Variants in HDAC9 observed in about 807,000 individuals in gnomAD.
HDAC9 encodes the protein MEF-2 interacting transcription repressor (MITR) protein.
A neutral mutation model predicts 139.4 loss-of-function variants in HDAC9; 41 were observed. The ratio of observed to expected loss-of-function variants is 0.29; its 90% CI spans 0.23 to 0.38. HDAC9 has a LOEUF of 0.38. Among genes scored for constraint, HDAC9 ranks in the 10% least tolerant of loss-of-function variants. The pLI is 1.00. For synonymous variants in HDAC9, 517 were observed against 476.2 expected (o/e 1.09, Z -1.12); for missense variants, 1,147 against 1,297.0 (o/e 0.88, Z 1.78).
chr7:18,296,360 T>C (rs1274025283), intron 1 of HDAC9, among the ~76,000 whole-genome samples: 2 of 151,878 alleles, frequency 1.3e-5, no homozygotes, highest in African/African-American at 4.9e-5. Flanking sequence ...TGTAAAGATC[T>C]ACGTCTTTAA....
intron 13 of HDAC9, among the ~76,000 whole-genome samples, chr7:18,747,670 G>A (rs1415265495): frequency 6.6e-6 from 1 of 152,152 alleles, no homozygotes; most frequent in African/African-American, 2.4e-5. Flanking sequence ...TCCTGAGGAT[G>A]AAAATGTGAG....
intron 1 of HDAC9, among the ~76,000 whole-genome samples, chr7:18,476,912 C>T (rs553824071): frequency 4.6e-5 from 7 of 152,230 alleles, no homozygotes; most frequent in Admixed American, 6.5e-5. Flanking sequence ...TTAAGTTTGC[C>T]CCCTGGAGGT....
At chr7:18,991,218 C>T (rs929367028) in intron 25 of HDAC9, among the ~76,000 whole-genome samples, 5 of 151,822 alleles carry the variant, frequency 3.3e-5, no homozygotes, top group African/African-American at 1.2e-4. Flanking sequence ...AATGGTATAA[C>T]ATTGGAGGGG....
intron 2 of HDAC9, among the ~76,000 whole-genome samples, chr7:18,540,603 A>G (rs1209862052): frequency 6.6e-6 from 1 of 152,148 alleles, no homozygotes; most frequent in Non-Finnish European, 1.5e-5. Flanking sequence ...TTTACATGAT[A>G]TTTCAAGATA....
intron 2 of HDAC9, among the ~76,000 whole-genome samples, chr7:18,207,060 C>A (rs1214351349): frequency 6.6e-6 from 1 of 151,808 alleles, no homozygotes; most frequent in African/African-American, 2.4e-5. Flanking sequence ...CCCAGCCTCC[C>A]AAGTAGCTTG....
chr7:18,541,134 G>T (rs1812691485), intron 2 of HDAC9, among the ~76,000 whole-genome samples: 1 of 118,214 alleles, frequency 8.5e-6, no homozygotes, highest in South Asian at 2.8e-4. Flanking sequence ...AATATCCAAG[G>T]AACCGTGTTT....
At chr7:18,146,665 A>C (rs539185988) in intron 1 of HDAC9, among the ~76,000 whole-genome samples, 86 of 152,322 alleles carry the variant, frequency 5.6e-4, no homozygotes, top group African/African-American at 1.9e-3. Flanking sequence ...TTTAAGTTAC[A>C]CATTATTTTC....
chr7:18,479,266 A>G (rs1795357990), intron 1 of HDAC9, among the ~76,000 whole-genome samples: 1 of 152,054 alleles, frequency 6.6e-6, no homozygotes, highest in African/African-American at 2.4e-5. Context: ...TGTTTAATCT[A>G]CTTGGAATTG....
intron 1 of HDAC9, among the ~76,000 whole-genome samples, chr7:18,355,886 G>C (rs1023679454): frequency 3.3e-5 from 5 of 152,114 alleles, no homozygotes; most frequent in African/African-American, 4.8e-5. Flanking sequence ...AAACAAAGTA[G>C]ACTCGTGATT....
chr7:18,908,624 T>A (rs1346215789), intron 22 of HDAC9, among the ~76,000 whole-genome samples: 2 of 152,108 alleles, frequency 1.3e-5, no homozygotes, highest in African/African-American at 4.8e-5. Context: ...GGCTTCCACA[T>A]GTAAGTGAGA....
intron 2 of HDAC9, among the ~76,000 whole-genome samples, chr7:18,236,120 A>T (rs892982441): frequency 6.6e-6 from 1 of 152,138 alleles, no homozygotes; most frequent in Non-Finnish European, 1.5e-5. Context: ...AAAAAGACCA[A>T]TGAGGAGCTA....
chr7:18,148,392 A>C (rs1012487214), intron 1 of HDAC9, among the ~76,000 whole-genome samples: 3 of 152,098 alleles, frequency 2.0e-5, no homozygotes, highest in African/African-American at 7.2e-5. Context: ...TGCTGCATCG[A>C]CTATTATTCC....
chr7:18,366,173 T>C (rs1465565737), intron 1 of HDAC9, among the ~76,000 whole-genome samples: 3 of 152,036 alleles, frequency 2.0e-5, no homozygotes, highest in Admixed American at 2.0e-4. Context: ...AGAGATAAGG[T>C]GGAGGGAAAC....
At chr7:18,173,353 C>T (rs189218230) in intron 2 of HDAC9, among the ~76,000 whole-genome samples, 124 of 152,274 alleles carry the variant, frequency 8.1e-4, no homozygotes, top group Non-Finnish European at 1.3e-3. Context: ...TGTCTCTGCA[C>T]GTCAGATGGG....
rs187001583 is a variant in HDAC9, at chr7:18,580,203, A to G, written c.23-5078A>G. Among the ~76,000 whole-genome samples the G allele has an allele frequency of 1.9e-4, 29 of 152,342 alleles. 1 individual carries two copies. The East Asian group carries it at 5.2e-3, about 27-fold the overall frequency. On this transcript the variant is annotated intron_variant, in intron 2 of 25. Transcript: ENST00000686413. ...TCATGCTCAAATAAATGTAATTATT[A>G]TGAACACCTACATGATTTGGGATTT...
intron 1 of HDAC9, among the ~76,000 whole-genome samples, chr7:18,360,194 T>C (rs1783665651): frequency 6.6e-6 from 1 of 152,224 alleles, no homozygotes; most frequent in Non-Finnish European, 1.5e-5. Flanking sequence ...CCTATGTATA[T>C]TCCTACATTT....
At chr7:18,423,250 A>G (rs1789807997) in intron 1 of HDAC9, among the ~76,000 whole-genome samples, 2 of 152,228 alleles carry the variant, frequency 1.3e-5, no homozygotes, top group Non-Finnish European at 2.9e-5. Flanking sequence ...GAAAATTTCA[A>G]CAAATAATTT....
Position 18,638,586 on chromosome 7 carries a change from C to G in HDAC9, c.912+3844C>G, listed in dbSNP as rs2285434. 1.9e-4 allele frequency among the ~76,000 whole-genome samples: 29 copies of G among 152,168 alleles called. No individual in the cohort carries two copies. The East Asian group carries it at 4.1e-3, about 21-fold the overall frequency. On this transcript the variant is annotated intron_variant, in intron 8 of 25. Coordinates refer to ENST00000686413, the MANE Select transcript of HDAC9 (RefSeq NM_178425.4). ...AGTACCGTAATACCTACACTAGCAG[C>G]TTTGTTTTAAGGAATCAGTGTTTGG...
At chr7:18,477,395 G>C (rs368156817) in intron 1 of HDAC9, among the ~76,000 whole-genome samples, 56 of 152,052 alleles carry the variant, frequency 3.7e-4, no homozygotes, top group African/African-American at 1.3e-3. Context: ...TTATGTGTGC[G>C]TGCGTGCGTG....
Sources: gnomAD v4.1 joint callset for allele counts (sites outside exome capture counted in the v4.1 genomes callset) on GRCh38, gnomAD v4.1.1 for gene constraint, MANE v1.5 for transcripts, NCBI Gene and HGNC (gene_info 2026-07-23, HGNC 2026-07-21) for gene names.